Variants in ANGPT4 observed in about 807,000 individuals in gnomAD.
The protein encoded by ANGPT4 is angiopoietin-4.
ANGPT4 carries 50 observed loss-of-function variants against 53.0 expected under a neutral mutation model. The ratio of observed to expected loss-of-function variants is 0.94; its 90% CI spans 0.75 to 1.20. ANGPT4 has a LOEUF of 1.20. Among genes scored for constraint, ANGPT4 ranks in the 50% most tolerant of loss-of-function variants. The pLI is 0.00. For synonymous variants in ANGPT4, 251 were observed against 259.7 expected, an observed-to-expected ratio of 0.97 and a Z score of 0.32; for missense variants, 648 against 637.1, an observed-to-expected ratio of 1.02 and a Z score of -0.18.
intron 1 of ANGPT4, 54 bp downstream of exon 1, chr20:915,852 G>T (rs1332046290): frequency 6.6e-7 from 1 of 1,517,028 alleles, no homozygotes; most frequent in South Asian, 1.3e-5. Context: ...CCTGCTGATT[G>T]TGACAGACCC....
In ANGPT4 at chr20:911,545, A is replaced by G. The variant is rs1358603609; in HGVS notation, c.309+4361T>C. Reference sequence around the variant, plus strand: ...GGAAAAGATGCAGGGAGTCACTTTGATAGCCAACCAGGAGAGAGAATCAGA... The same window carrying G: ...GGAAAAGATGCAGGGAGTCACTTTGGTAGCCAACCAGGAGAGAGAATCAGA... On this transcript the variant is annotated intron_variant, in intron 1 of 8. Transcript: ENST00000381922. The surrounding 1 kb of genome is among the most constrained non-coding windows in gnomAD (Gnocchi z 4.9). Among the ~76,000 whole-genome samples the G allele has an allele frequency of 1.3e-5, 2 of 152,288 alleles. No individual in the cohort carries two copies. Among genetic ancestry groups the G allele is most frequent in the East Asian group, 1.9e-4 (1 of 5,178 alleles).
chr20:891,319 G>A (rs969506699), intron 1 of ANGPT4, among the ~76,000 whole-genome samples: 2 of 152,162 alleles, frequency 1.3e-5, no homozygotes, highest in Admixed American at 1.3e-4. Context: ...AATGGGGCTG[G>A]ACTGGCCAGT....
intron 3 of ANGPT4, 63 bp from the exon 4 acceptor site, chr20:885,388 G>T: frequency 1.4e-6 from 2 of 1,450,692 alleles, no homozygotes; most frequent in Non-Finnish European, 1.8e-6. Flanking sequence ...ACCCCCGCGC[G>T]CCTCCCCGGC....
In ANGPT4 at chr20:916,298, C is replaced by T. The variant is rs1982945281; in HGVS notation, c.-84G>A. ...ATGTCCTGCTGCAGCCAACAGTGGC[C>T]AGGCTTGCCTGCAGCTGCAGCTACA... On this transcript the variant is annotated 5_prime_UTR_variant, in exon 1 of 9. Transcript: ENST00000381922. 9.6e-6 allele frequency: 14 copies of T among 1,452,472 alleles called. No individual in the cohort carries two copies. The highest frequency in any genetic ancestry group is 1.4e-5 in the African/African-American group (1 of 71,860). The allele number at this position is 1,452,472 out of a possible 1,614,324, so 90.0% of individuals were successfully genotyped here. A position where few individuals can be genotyped will look rare whatever the true frequency, so the allele number is the denominator to read the frequency against.
intron 1 of ANGPT4, among the ~76,000 whole-genome samples, chr20:901,773 A>C (rs1251131339): frequency 6.6e-6 from 1 of 152,136 alleles, no homozygotes; most frequent in Non-Finnish European, 1.5e-5. Flanking sequence ...AAATTAGCTG[A>C]AGGTGGTGGT....
chr20:874,402 G>C lies in ANGPT4; in HGVS notation c.1233C>G (p.Val411=). The C allele has an allele frequency of 1.2e-6, 2 of 1,613,520 alleles. No homozygotes were observed. Among genetic ancestry groups the C allele is most frequent in the Non-Finnish European group, 1.7e-6 (2 of 1,179,998 alleles). The part of the protein sequence containing the change: ...SENQLYRLSV[V]GYSGSAGRQS... ...GGCGCCCTGCTGAGCCGCTGTACCC[G>C]ACCACAGAAAGCCTGGAGGCCACCC... Residue 411 remains valine (V), a synonymous_variant, in exon 8 of 9, where the codon GTC becomes GTG. Transcript: ENST00000381922.
intron 1 of ANGPT4, among the ~76,000 whole-genome samples, chr20:904,870 G>C (rs1259047986): frequency 6.6e-6 from 1 of 152,108 alleles, no homozygotes; most frequent in Non-Finnish European, 1.5e-5. Flanking sequence ...GAGCTCGAGT[G>C]ATCCTCCCAC....
At chr20:883,997 C>T (rs3787566) in intron 4 of ANGPT4, among the ~76,000 whole-genome samples, 51,094 of 152,100 alleles carry the variant, frequency 0.34, 9,502 homozygotes, top group East Asian at 0.57. Flanking sequence ...CCTCAAATCC[C>T]TGTCAGCCCT....
chr20:907,620 A>G (rs1484142008), intron 1 of ANGPT4, among the ~76,000 whole-genome samples: 1 of 152,156 alleles, frequency 6.6e-6, no homozygotes, highest in Non-Finnish European at 1.5e-5. Context: ...CCACCCTCCA[A>G]GGTAGGACCT....
chr20:905,031 AC>A (rs1395015962), intron 1 of ANGPT4, among the ~76,000 whole-genome samples: 1 of 151,820 alleles, frequency 6.6e-6, no homozygotes, highest in African/African-American at 2.4e-5. Flanking sequence ...TGCTTATTGC[AC>A]CCCCTCCCAA....
chr20:903,352 C>T (rs1178126568), intron 1 of ANGPT4, among the ~76,000 whole-genome samples: 1 of 152,224 alleles, frequency 6.6e-6, no homozygotes, highest in Non-Finnish European at 1.5e-5. Flanking sequence ...TCTGTTGTCT[C>T]TACCCTCGGG....
At chr20:880,378 A>G (rs1981354817) in intron 5 of ANGPT4, among the ~76,000 whole-genome samples, 1 of 152,116 alleles carries the variant, frequency 6.6e-6, no homozygotes, top group African/African-American at 2.4e-5. Flanking sequence ...TGAGCTCAGG[A>G]GTTTCAGACC....
At chr20:875,292 G>A (rs903880099) in intron 7 of ANGPT4, among the ~76,000 whole-genome samples, 1 of 152,062 alleles carries the variant, frequency 6.6e-6, no homozygotes, top group African/African-American at 2.4e-5. Flanking sequence ...CAGCCCCATC[G>A]CACCTCCTCA....
At chr20:890,395 C>CG in intron 1 of ANGPT4, 27 bp from the exon 2 acceptor site, 2 of 891,594 alleles carry the variant, frequency 2.2e-6, no homozygotes, top group Non-Finnish European at 1.7e-6. Flanking sequence ...GCTGGGGTCA[C>CG]GGGGGAGGGG....
At chr20:880,698 T>C (rs1168322210) in intron 5 of ANGPT4, among the ~76,000 whole-genome samples, 1 of 152,184 alleles carries the variant, frequency 6.6e-6, no homozygotes, top group Admixed American at 6.5e-5. Flanking sequence ...ACCCTTCTTA[T>C]CGGATGACTT....
intron 8 of ANGPT4, among the ~76,000 whole-genome samples, chr20:873,668 G>T (rs1024812608): frequency 5.9e-5 from 9 of 151,738 alleles, no homozygotes; most frequent in Non-Finnish European, 8.8e-5. Context: ...TTGTCTCCCG[G>T]CCTCTCCTTG....
chr20:902,625 A>G (rs1233543423), intron 1 of ANGPT4, among the ~76,000 whole-genome samples: 1 of 152,012 alleles, frequency 6.6e-6, no homozygotes, highest in Non-Finnish European at 1.5e-5. Context: ...TATATCAGAA[A>G]CCTGTTTTCT....
At chr20:906,044 C>G (rs894237207) in intron 1 of ANGPT4, among the ~76,000 whole-genome samples, 1 of 152,224 alleles carries the variant, frequency 6.6e-6, no homozygotes, top group African/African-American at 2.4e-5. Flanking sequence ...AGCTAGCCTT[C>G]AGGATGACCC....
Position 914,113 on chromosome 20 carries a change from A to C in ANGPT4, c.309+1793T>G, listed in dbSNP as rs2122145063. On this transcript the variant is annotated intron_variant, in intron 1 of 8. Transcript: ENST00000381922. This position sits in a 1 kb window ranked among gnomAD's most constrained non-coding sequence, Gnocchi z 5.0. ...GCATTCATGCATTCACTCATGCTAC[A>C]GACATTTATTGAGTACCTACTGTGT... Among the ~76,000 whole-genome samples the C allele has an allele frequency of 6.6e-6, 1 of 152,314 alleles. No homozygotes were observed. Among genetic ancestry groups the C allele is most frequent in the African/African-American group, 2.4e-5 (1 of 41,560 alleles).
Sources: gnomAD v4.1 joint callset for allele counts (sites outside exome capture counted in the v4.1 genomes callset) on GRCh38, gnomAD v4.1.1 for gene constraint, Gnocchi (gnomAD v3.1) non-coding constraint, MANE v1.5 for transcripts, NCBI Gene and HGNC (gene_info 2026-07-23, HGNC 2026-07-21) for gene names.